The following KRT73 variants were observed in gnomAD, a reference collection of about 807,000 sequenced individuals.
The protein encoded by KRT73 is keratin 73.
Under a neutral mutation model 47.2 loss-of-function variants are expected in KRT73, and 44 were observed. The observed-to-expected ratio is 0.93, with a 90% CI of 0.73 to 1.20. KRT73 has a LOEUF of 1.20. Among genes scored for constraint, KRT73 ranks in the 50% most tolerant of loss-of-function variants. The probability of loss-of-function intolerance (pLI) is 0.00; values close to 1 mark genes in which losing one functional copy is unlikely to be tolerated. For synonymous variants in KRT73, 285 were observed against 291.3 expected (o/e 0.98, Z 0.22); for missense variants, 713 against 704.5 (o/e 1.01, Z -0.14).
chr12:52,611,862 A>G (rs1940710008), intron 5 of KRT73, among the ~76,000 whole-genome samples: 1 of 152,138 alleles, frequency 6.6e-6, no homozygotes, highest in Non-Finnish European at 1.5e-5. Flanking sequence ...TAACCAGTGC[A>G]GAGTCCCTTC....
At chr12:52,617,609 C>T (rs893452443) in intron 1 of KRT73, among the ~76,000 whole-genome samples, 1 of 152,190 alleles carries the variant, frequency 6.6e-6, no homozygotes, top group Admixed American at 6.5e-5. Context: ...CTAGATGCCC[C>T]AGGCTGTCAA....
At position 52,618,266 on chromosome 12, in the gene KRT73, C is replaced by T; in HGVS notation, c.259G>A (p.Gly87Ser). ...RASGFAGSMF[G>S]SVALGSVCPS... ...CACACGGACCCCAAGGCCACACTGC[C>T]AAACATGCTGCCAGCAAAGCCACTG... is the stretch of plus-strand genomic sequence containing the variant. Residue 87 changes from glycine to serine, a missense_variant, in exon 1 of 9, where the codon GGC (glycine) becomes AGC (serine). Transcript: ENST00000305748. 2 of 1,614,178 alleles carry T rather than the reference C, an allele frequency of 1.2e-6. No homozygotes were observed. The highest frequency in any genetic ancestry group is 1.1e-5 in the South Asian group (1 of 91,070).
upstream of KRT73, among the ~76,000 whole-genome samples, chr12:52,621,954 C>G (rs80055523): frequency 0.029 from 4,489 of 152,268 alleles, 218 homozygotes; most frequent in African/African-American, 0.1. Flanking sequence ...TCCACCCTCA[C>G]CTGGCAATAA....
At chr12:52,608,932 C>T (rs1940639789) in intron 8 of KRT73, among the ~76,000 whole-genome samples, 1 of 152,142 alleles carries the variant, frequency 6.6e-6, no homozygotes, top group Non-Finnish European at 1.5e-5. Context: ...ACTCTGTGCT[C>T]AGTTTCCTTC....
At chr12:52,627,712 A>G in the KRT73 span, among the ~76,000 whole-genome samples, 2 of 152,174 alleles carry the variant, frequency 1.3e-5, no homozygotes, top group Admixed American at 6.5e-5. Context: ...CAATAATAAC[A>G]CCAGCTTGGC....
intron 5 of KRT73, 99 bp from the exon 6 acceptor site, chr12:52,611,428 G>A: frequency 1.4e-6 from 2 of 1,451,952 alleles, no homozygotes. Flanking sequence ...CCTGGCAGAG[G>A]TGGGTCCAGG....
In KRT73 at chr12:52,618,246, G is replaced by A. The variant is rs267603522; in HGVS notation, c.279C>T (p.Ser93=). The change falls in exon 1 of 9, where the codon TCC becomes TCT. Residue 93 remains serine, a synonymous_variant. Coordinates refer to ENST00000305748, the MANE Select transcript of KRT73 (RefSeq NM_175068.3). ...CGGGCGGGCACAACGACGGACACACGGACCCCAAGGCCACACTGCCAAACA... is the reference window on the plus strand; with the variant it reads ...CGGGCGGGCACAACGACGGACACACAGACCCCAAGGCCACACTGCCAAACA... ...GSMFGSVALG[S]VCPSLCPPGG... The A allele has an allele frequency of 1.2e-5, 19 of 1,614,056 alleles. No individual in the cohort carries two copies. The South Asian group carries it at 1.3e-4, about 11-fold the overall frequency.
chr12:52,629,719 T>A, the KRT73 span, among the ~76,000 whole-genome samples: 1 of 152,132 alleles, frequency 6.6e-6, no homozygotes, highest in Non-Finnish European at 1.5e-5. Context: ...AATCAGTAGA[T>A]CCTCTCACGG....
the KRT73 span, among the ~76,000 whole-genome samples, chr12:52,629,246 C>G: frequency 6.6e-6 from 1 of 152,182 alleles, no homozygotes. Flanking sequence ...CACCCCCACA[C>G]CCCTTCTACA....
chr12:52,624,643 A>T, the KRT73 span, among the ~76,000 whole-genome samples: 1 of 152,130 alleles, frequency 6.6e-6, no homozygotes, highest in African/African-American at 2.4e-5. Context: ...ACTAAACAAT[A>T]TACATCTAAA....
upstream of KRT73, chr12:52,618,583 C>T: frequency 6.6e-7 from 1 of 1,513,870 alleles, no homozygotes; most frequent in Non-Finnish European, 8.9e-7. Flanking sequence ...TGCAGTTCAC[C>T]AGCCTGTGAT....
chr12:52,612,308 T>C (rs1167512221), intron 5 of KRT73: 1 of 152,226 alleles, frequency 6.6e-6, no homozygotes. Context: ...TAATTCGGGA[T>C]TATTTCTGTC....
the KRT73 span, among the ~76,000 whole-genome samples, chr12:52,627,902 CAT>C: frequency 2.0e-4 from 29 of 144,836 alleles, no homozygotes; most frequent in East Asian, 5.0e-3. Flanking sequence ...ACAGAATGAA[CAT>C]GTGTGTGTGT....
At chr12:52,611,079 G>A (rs578025552) in intron 6 of KRT73, 125 bp downstream of exon 6, 1 of 1,256,974 alleles carries the variant, frequency 8.0e-7, no homozygotes, top group African/African-American at 1.5e-5. Flanking sequence ...TGAGGGATGA[G>A]AGCAGGACCT....
At chr12:52,613,931 G>A (rs1178448808) in intron 4 of KRT73, 79 bp from the exon 5 acceptor site, 2 of 1,568,712 alleles carry the variant, frequency 1.3e-6, no homozygotes, top group African/African-American at 1.3e-5. Flanking sequence ...GTCCCAGAGG[G>A]ATGGCCCTAG....
At chr12:52,611,482 T>C (rs546323293) in intron 5 of KRT73, 153 bp from the exon 6 acceptor site, 52 of 806,600 alleles carry the variant, frequency 6.4e-5, no homozygotes, top group African/African-American at 4.6e-4. Flanking sequence ...CATTAAAGCA[T>C]TGGGCCATTG....
chr12:52,618,450 T>G lies in KRT73; in HGVS notation c.75A>C (p.Ser25=). The G allele has an allele frequency of 6.2e-7, 1 of 1,613,986 alleles. No homozygotes were observed. Among genetic ancestry groups the G allele is most frequent in the Non-Finnish European group, 8.5e-7 (1 of 1,179,986 alleles). The stretch of plus-strand genomic sequence containing the variant: ...CTCGGTAGGAGGATGAGCTGCCCCC[T>G]GAGAGCACAGCGGAGCAGCCGCTGA... The part of the protein sequence containing the change: ...GGFSGCSAVL[S]GGSSSSYRAG... The change falls in exon 1 of 9, where the codon TCA becomes TCC. Residue 25 remains serine, a synonymous_variant. Coordinates refer to ENST00000305748, the MANE Select transcript of KRT73 (RefSeq NM_175068.3).
Position 52,608,079 on chromosome 12 carries a change from C to T in KRT73, c.*117G>A. 5.2e-6 allele frequency: 6 copies of T among 1,152,428 alleles called. No individual in the cohort carries two copies. The highest frequency in any genetic ancestry group is 6.2e-6 in the Non-Finnish European group (5 of 811,790). The allele number at this position is 1,152,428 out of a possible 1,614,324, so 71.4% of individuals were successfully genotyped here. On this transcript the variant is annotated 3_prime_UTR_variant, in exon 9 of 9. Transcript: ENST00000305748. The stretch of plus-strand genomic sequence containing the variant: ...GTCAAGGAGAAGGAGGAGAGGTCCA[C>T]AGCAAAGCAAAGCAAGAAGGAGATG...
intron 4 of KRT73, 100 bp from the exon 5 acceptor site, chr12:52,613,952 A>G: frequency 6.7e-7 from 1 of 1,492,936 alleles, no homozygotes; most frequent in Non-Finnish European, 9.0e-7. Context: ...ACCATCCCAC[A>G]CAGATGGAAG....
Sources: gnomAD v4.1 joint callset for allele counts (sites outside exome capture counted in the v4.1 genomes callset) on GRCh38, gnomAD v4.1.1 for gene constraint, MANE v1.5 for transcripts, NCBI Gene and HGNC (gene_info 2026-07-23, HGNC 2026-07-21) for gene names.